Variants in SMIM41 observed in about 807,000 individuals in gnomAD.
SMIM41 encodes the protein small integral membrane protein 41.
At chr12:52,099,766 T>C (rs148895418) in intron 2 of SMIM41, among the ~76,000 whole-genome samples, 14 of 152,126 alleles carry the variant, frequency 9.2e-5, no homozygotes, top group African/African-American at 3.4e-4. Context: ...CCGGCTATTT[T>C]GAAAGTATCA....
chr12:52,095,721 A>G (rs1940080829), intron 2 of SMIM41, among the ~76,000 whole-genome samples: 1 of 152,058 alleles, frequency 6.6e-6, no homozygotes, highest in Non-Finnish European at 1.5e-5. Flanking sequence ...TGGGAGTAAC[A>G]TCATCCTCTC....
At position 52,107,750 on chromosome 12, in the gene SMIM41, G is replaced by A. The variant is rs1208605058; in HGVS notation, c.*567G>A. 7 of 397,326 alleles carry A rather than the reference G, an allele frequency of 1.8e-5. No homozygotes were observed. The highest frequency in any genetic ancestry group is 2.4e-5 in the Non-Finnish European group (5 of 206,610). The allele number at this position is 397,326 out of a possible 1,614,324, so 24.6% of individuals were successfully genotyped here. On this transcript the variant is annotated 3_prime_UTR_variant, in exon 3 of 3. Coordinates refer to ENST00000546390, the MANE Select transcript of SMIM41 (RefSeq NM_001369216.1). ...TATCATTCAGCCATCATGAACCTGT[G>A]TTTCTGTGGCTTCCTAGTTTTGCTG...
chr12:52,100,701 G>A (rs1015264917), intron 2 of SMIM41, among the ~76,000 whole-genome samples: 5 of 138,078 alleles, frequency 3.6e-5, no homozygotes, highest in Middle Eastern at 4.2e-3. Flanking sequence ...TTGAACTCCC[G>A]ACCTCAGGTG....
rs1156697448 is a variant in SMIM41, at chr12:52,096,661, ATAAT to A, written c.*196-10713_*196-10710del. Among the ~76,000 whole-genome samples the A allele has an allele frequency of 3.3e-5, 5 of 151,936 alleles. No individual in the cohort carries two copies. In the South Asian group the frequency reaches 8.3e-4, roughly 25 times the overall value. ...CGGTTATTAATATCAGGCGTTATTA[ATAAT>A]TAATATTAATTTATTGTTATCGTCA... On this transcript the variant is annotated intron_variant, in intron 2 of 2. Coordinates refer to ENST00000546390, the MANE Select transcript of SMIM41 (RefSeq NM_001369216.1).
At chr12:52,087,858 C>T (rs1217132912) in intron 2 of SMIM41, among the ~76,000 whole-genome samples, 3 of 152,206 alleles carry the variant, frequency 2.0e-5, no homozygotes, top group Non-Finnish European at 4.4e-5. Flanking sequence ...CATCTCCAGT[C>T]TCTCCTTGAG....
At chr12:52,091,045 C>T (rs531774697) in intron 2 of SMIM41, among the ~76,000 whole-genome samples, 1 of 152,324 alleles carries the variant, frequency 6.6e-6, no homozygotes, top group African/African-American at 2.4e-5. Context: ...CAGGGTATCA[C>T]TCTTTCACCA....
intron 2 of SMIM41, among the ~76,000 whole-genome samples, chr12:52,095,325 C>T (rs948491679): frequency 2.0e-5 from 3 of 151,006 alleles, no homozygotes; most frequent in East Asian, 2.0e-4. Flanking sequence ...GGGGGGCGGG[C>T]GCCCCCCGCG....
intron 2 of SMIM41, among the ~76,000 whole-genome samples, chr12:52,088,646 G>A (rs1939931453): frequency 6.6e-6 from 1 of 152,132 alleles, no homozygotes; most frequent in Non-Finnish European, 1.5e-5. Context: ...GTCCCCGGCC[G>A]CCACCTCGCC....
In SMIM41 at chr12:52,103,938, T is replaced by C. The variant is rs140576020; in HGVS notation, c.*196-3441T>C. On this transcript the variant is annotated intron_variant, in intron 2 of 2. Transcript: ENST00000546390. ...AAAGATAAAACTGTTCTGGAGATGATGGCGGTGATGGTTGCTAAACAATGT... is the reference window on the plus strand; with the variant it reads ...AAAGATAAAACTGTTCTGGAGATGACGGCGGTGATGGTTGCTAAACAATGT... Among the ~76,000 whole-genome samples, 634 of 152,284 alleles carry C rather than the reference T, an allele frequency of 4.2e-3. 4 individuals are homozygous for C. The highest frequency in any genetic ancestry group is 0.015 in the African/African-American group (615 of 41,558).
intron 2 of SMIM41, among the ~76,000 whole-genome samples, chr12:52,091,071 G>T (rs1939993530): frequency 6.6e-6 from 1 of 152,178 alleles, no homozygotes; most frequent in African/African-American, 2.4e-5. Context: ...GAGTGCAGTG[G>T]CACAATCATG....
intron 2 of SMIM41, among the ~76,000 whole-genome samples, chr12:52,100,489 T>C (rs1459584004): frequency 1.3e-5 from 2 of 151,758 alleles, no homozygotes; most frequent in Non-Finnish European, 2.9e-5. Flanking sequence ...AGAGTTTCAC[T>C]CTTGTTGCCC....
chr12:52,092,113 G>T (rs937780099), intron 2 of SMIM41: 2 of 152,214 alleles, frequency 1.3e-5, no homozygotes, highest in Non-Finnish European at 2.9e-5. Context: ...CAAAGGCTAT[G>T]AAAACATTGG....
intron 2 of SMIM41, among the ~76,000 whole-genome samples, chr12:52,105,378 C>A (rs1940314702): frequency 6.6e-6 from 1 of 152,214 alleles, no homozygotes; most frequent in Admixed American, 6.5e-5. Context: ...AATTTGGCTT[C>A]TCTTCCTGTT....
chr12:52,102,925 A>G (rs1940248339), intron 2 of SMIM41, among the ~76,000 whole-genome samples: 1 of 152,246 alleles, frequency 6.6e-6, no homozygotes, highest in African/African-American at 2.4e-5. Flanking sequence ...TAGCAGCATT[A>G]TTCACAACAG....
intron 2 of SMIM41, among the ~76,000 whole-genome samples, chr12:52,085,112 A>G (rs1380455721): frequency 6.6e-6 from 1 of 152,144 alleles, no homozygotes; most frequent in Non-Finnish European, 1.5e-5. Flanking sequence ...AGAAAACCCA[A>G]ACTATATTTG....
At chr12:52,096,139 G>A (rs1341201669) in intron 2 of SMIM41, among the ~76,000 whole-genome samples, 7 of 151,896 alleles carry the variant, frequency 4.6e-5, no homozygotes, top group Non-Finnish European at 8.8e-5. Context: ...TCACAGGGTG[G>A]CTGCACACAG....
chr12:52,097,945 C>A (rs1317719749), intron 2 of SMIM41, among the ~76,000 whole-genome samples: 2 of 146,540 alleles, frequency 1.4e-5, no homozygotes, highest in African/African-American at 2.5e-5. Context: ...GTTATCCTCT[C>A]CCCCGCCCCC....
Position 52,107,779 on chromosome 12 carries a change from T to C in SMIM41, c.*596T>C. On this transcript the variant is annotated 3_prime_UTR_variant, in exon 3 of 3. Coordinates refer to ENST00000546390, the MANE Select transcript of SMIM41 (RefSeq NM_001369216.1). ...CTGTGGCTTCCTAGTTTTGCTGTCT[T>C]TTTTTTTTCTCAGTCTTTTAGACTC... The C allele has an allele frequency of 2.6e-6, 1 of 378,532 alleles. No individual in the cohort carries two copies. The highest frequency in any genetic ancestry group is 5.1e-6 in the Non-Finnish European group (1 of 196,680). 23.4% of individuals were successfully genotyped at this position (378,532 alleles called of 1,614,324 possible).
chr12:52,079,818 C>G lies in SMIM41; in HGVS notation c.39C>G (p.Ala13=), dbSNP rs1270712475. ...AGGCGGGCGCCGCGGCTCAGGCCGCCTGGCTGAGCTCCTGCTGTAACCAGT... is the reference window on the plus strand; with the variant it reads ...AGGCGGGCGCCGCGGCTCAGGCCGCGTGGCTGAGCTCCTGCTGTAACCAGT... ...GSQAGAAAQA[A]WLSSCCNQSA... The change falls in exon 1 of 3, where the codon GCC becomes GCG. Residue 13 remains alanine, a synonymous_variant. Coordinates refer to ENST00000546390, the MANE Select transcript of SMIM41 (RefSeq NM_001369216.1). 1.0e-5 allele frequency: 4 copies of G among 393,874 alleles called. No homozygotes were observed. In the East Asian group the frequency reaches 1.4e-4, roughly 14 times the overall value. The allele number at this position is 393,874 out of a possible 1,614,324, so 24.4% of individuals were successfully genotyped here. A position where few individuals can be genotyped will look rare whatever the true frequency, so the allele number is the denominator to read the frequency against.
Sources: allele counts gnomAD v4.1 joint callset (sites outside exome capture counted in the v4.1 genomes callset), GRCh38; gene constraint gnomAD v4.1.1; transcripts MANE v1.5; gene names NCBI Gene and HGNC (gene_info 2026-07-23, HGNC 2026-07-21).